Variants in DLGAP2 observed in about 807,000 individuals in gnomAD.
The protein encoded by DLGAP2 is disks large-associated protein 2.
A neutral mutation model predicts 100.3 loss-of-function variants in DLGAP2; 26 were observed. That is an observed-to-expected ratio of 0.26 (90% CI 0.19 to 0.36). The LOEUF (loss-of-function observed/expected upper bound fraction) is 0.36. Among genes scored for constraint, DLGAP2 ranks in the 10% least tolerant of loss-of-function variants. The pLI, the probability that DLGAP2 is intolerant of heterozygous loss-of-function variation, is 1.00. For synonymous variants in DLGAP2, 886 were observed against 630.1 expected, an observed-to-expected ratio of 1.41 and a Z score of -6.08; for missense variants, 1,858 against 1,453.2, an observed-to-expected ratio of 1.28 and a Z score of -4.53.
chr8:1,086,523 G>A (rs1024207780), intron 2 of DLGAP2, among the ~76,000 whole-genome samples: 1 of 152,112 alleles, frequency 6.6e-6, no homozygotes, highest in Admixed American at 6.5e-5. Flanking sequence ...GCCCACAAGA[G>A]GTTCACTTCA....
chr8:801,480 G>A (rs1355647806), intron 1 of DLGAP2, among the ~76,000 whole-genome samples: 1 of 152,244 alleles, frequency 6.6e-6, no homozygotes, highest in Non-Finnish European at 1.5e-5. Flanking sequence ...CGTACTTTCA[G>A]AGCATGTGCG....
chr8:1,513,388 G>A (rs1346751075), intron 4 of DLGAP2, among the ~76,000 whole-genome samples: 5 of 149,160 alleles, frequency 3.4e-5, no homozygotes, highest in East Asian at 4.0e-4. Flanking sequence ...CAGTGCAGAG[G>A]AGGAAGGGAG....
chr8:823,777 C>G (rs1350788804), intron 1 of DLGAP2, among the ~76,000 whole-genome samples: 1 of 152,160 alleles, frequency 6.6e-6, no homozygotes, highest in African/African-American at 2.4e-5. Context: ...GGGGAGCTGT[C>G]AGAAGTGCAG....
At chr8:1,210,335 G>T (rs977219679) in intron 2 of DLGAP2, among the ~76,000 whole-genome samples, 19 of 139,472 alleles carry the variant, frequency 1.4e-4, no homozygotes, top group African/African-American at 5.7e-4. Context: ...ATGTGTCCAG[G>T]GCCAGATGAA....
intron 3 of DLGAP2, among the ~76,000 whole-genome samples, chr8:1,338,942 G>A (rs968250987): frequency 6.6e-6 from 1 of 151,248 alleles, no homozygotes; most frequent in Non-Finnish European, 1.5e-5. Context: ...AATGACCTCA[G>A]TGAGGCGTCA....
chr8:1,021,110 G>T (rs938387122), intron 2 of DLGAP2, among the ~76,000 whole-genome samples: 5 of 152,150 alleles, frequency 3.3e-5, no homozygotes, highest in African/African-American at 1.2e-4. Flanking sequence ...ATGGTCACTT[G>T]TGCCTACAGA....
Position 1,330,902 on chromosome 8 carries a change from T to A in DLGAP2, c.106+72019T>A, listed in dbSNP as rs575403712. Reference sequence around the variant, plus strand: ...CGCTTCACGGGGACTGAGTTCTGTGTGGGAGCACCACTTCATGGGGACTGA... The same window carrying A: ...CGCTTCACGGGGACTGAGTTCTGTGAGGGAGCACCACTTCATGGGGACTGA... On this transcript the variant is annotated intron_variant, in intron 3 of 14. Coordinates refer to ENST00000637795, the MANE Select transcript of DLGAP2 (RefSeq NM_001346810.2). 4.1e-5 allele frequency among the ~76,000 whole-genome samples: 6 copies of A among 147,972 alleles called. No homozygotes were observed. In the East Asian group the frequency reaches 1.2e-3, roughly 30 times the overall value.
At chr8:1,022,402 A>G (rs1007775083) in intron 2 of DLGAP2, among the ~76,000 whole-genome samples, 10 of 148,512 alleles carry the variant, frequency 6.7e-5, no homozygotes, top group Non-Finnish European at 3.0e-5. Context: ...GTGCCAAGGT[A>G]GACGCTCCAA....
intron 3 of DLGAP2, among the ~76,000 whole-genome samples, chr8:1,432,853 T>C (rs986906887): frequency 6.6e-6 from 1 of 152,282 alleles, no homozygotes; most frequent in South Asian, 2.1e-4. Context: ...CCCCGGTGAC[T>C]TGGGTCCTGA....
intron 1 of DLGAP2, among the ~76,000 whole-genome samples, chr8:872,637 C>G (rs1369202640): frequency 6.6e-6 from 1 of 152,188 alleles, no homozygotes; most frequent in Non-Finnish European, 1.5e-5. Flanking sequence ...CCTTCTCTCA[C>G]TTCTTAAAAG....
intron 1 of DLGAP2, among the ~76,000 whole-genome samples, chr8:762,024 C>T (rs552936809): frequency 2.2e-4 from 34 of 152,308 alleles, no homozygotes; most frequent in South Asian, 2.1e-4. Flanking sequence ...AGAATATTTA[C>T]GATGATAGGT....
chr8:1,434,817 A>G (rs1426647692), intron 3 of DLGAP2, among the ~76,000 whole-genome samples: 3 of 152,144 alleles, frequency 2.0e-5, no homozygotes, highest in Non-Finnish European at 2.9e-5. Context: ...CGTGAACATG[A>G]GTAACATGCA....
chr8:1,211,206 T>C (rs1798097576), intron 2 of DLGAP2, among the ~76,000 whole-genome samples: 1 of 152,218 alleles, frequency 6.6e-6, no homozygotes, highest in African/African-American at 2.4e-5. Context: ...GACCTGCGGA[T>C]CCTCCCCATC....
At chr8:1,265,079 G>A (rs1356340238) in intron 3 of DLGAP2, among the ~76,000 whole-genome samples, 1 of 152,066 alleles carries the variant, frequency 6.6e-6, no homozygotes, top group Non-Finnish European at 1.5e-5. Context: ...CCAGTCTCGA[G>A]TATTTCTTCA....
In DLGAP2 at chr8:962,979, C is replaced by T. The variant is rs113810829; in HGVS notation, c.73+55013C>T. Reference sequence around the variant, plus strand: ...AGGCAGGTCTTAGGTTCGGGGTCCTCTGATGGGAAAAGTGTGGGAATGGGC... The same window carrying T: ...AGGCAGGTCTTAGGTTCGGGGTCCTTTGATGGGAAAAGTGTGGGAATGGGC... On this transcript the variant is annotated intron_variant, in intron 2 of 14. Coordinates refer to ENST00000637795, the MANE Select transcript of DLGAP2 (RefSeq NM_001346810.2). Among the ~76,000 whole-genome samples the T allele has an allele frequency of 7.3e-3, 1,108 of 152,326 alleles. 20 individuals carry two copies. The highest frequency in any genetic ancestry group is 0.026 in the African/African-American group (1,068 of 41,576).
chr8:1,275,070 C>T (rs1294137542), intron 3 of DLGAP2, among the ~76,000 whole-genome samples: 1 of 152,124 alleles, frequency 6.6e-6, no homozygotes, highest in East Asian at 1.9e-4. Context: ...AAGGCTCCAG[C>T]CCAGGCAGAG....
intron 5 of DLGAP2, among the ~76,000 whole-genome samples, chr8:1,550,809 A>G (rs1264663770): frequency 6.6e-6 from 1 of 152,192 alleles, no homozygotes; most frequent in East Asian, 1.9e-4. Context: ...ACTTCTGAGG[A>G]TGCCACTCAG....
chr8:1,039,535 C>T (rs1440119909), intron 2 of DLGAP2, among the ~76,000 whole-genome samples: 5 of 115,308 alleles, frequency 4.3e-5, no homozygotes, highest in South Asian at 3.0e-4. Context: ...GCTCGGTGTG[C>T]GTGGTCAGCT....
intron 3 of DLGAP2, among the ~76,000 whole-genome samples, chr8:1,264,299 G>T (rs143219160): frequency 6.6e-6 from 1 of 152,106 alleles, no homozygotes; most frequent in East Asian, 1.9e-4. Context: ...TGGGGTTGCG[G>T]TCTGTGCCCT....
Sources: allele counts gnomAD v4.1 joint callset (sites outside exome capture counted in the v4.1 genomes callset), GRCh38; gene constraint gnomAD v4.1.1; transcripts MANE v1.5; gene names NCBI Gene and HGNC (gene_info 2026-07-23, HGNC 2026-07-21).